The following VPS8 variants were observed in gnomAD, a reference collection of about 807,000 sequenced individuals.
The protein encoded by VPS8 is VPS8 subunit of CORVET complex.
A neutral mutation model predicts 216.4 loss-of-function variants in VPS8; 129 were observed. That is an observed-to-expected ratio of 0.60 (90% CI 0.52 to 0.69). The LOEUF (loss-of-function observed/expected upper bound fraction) is 0.69, where lower values mean the gene tolerates loss of function less well. VPS8 is among the 30% of genes least tolerant of loss of function. VPS8 has a pLI of 0.00. For missense variants in VPS8, 1,531 were observed against 1,683.5 expected, an observed-to-expected ratio of 0.91 and a Z score of 1.59; for synonymous variants, 571 against 565.4, an observed-to-expected ratio of 1.01 and a Z score of -0.14.
intron 46 of VPS8, among the ~76,000 whole-genome samples, chr3:185,038,992 C>G (rs1465534190): frequency 3.3e-5 from 5 of 152,160 alleles, no homozygotes; most frequent in African/African-American, 1.2e-4. Flanking sequence ...GGACTTAGCC[C>G]CAGCAACATG....
intron 2 of VPS8, among the ~76,000 whole-genome samples, chr3:184,825,337 C>T (rs1414112392): frequency 1.3e-5 from 2 of 152,176 alleles, no homozygotes; most frequent in African/African-American, 4.8e-5. Flanking sequence ...CTCAAAGTCA[C>T]AGAGCCAGTG....
At chr3:184,977,871 T>C (rs1749548980) in intron 40 of VPS8, among the ~76,000 whole-genome samples, 2 of 121,690 alleles carry the variant, frequency 1.6e-5, no homozygotes, top group African/African-American at 5.6e-5. Context: ...ATTAGCCTGA[T>C]GTTTTCTTTT....
intron 36 of VPS8, among the ~76,000 whole-genome samples, chr3:184,944,038 G>T (rs1743215874): frequency 9.4e-6 from 1 of 106,894 alleles, no homozygotes; most frequent in Non-Finnish European, 2.0e-5. Context: ...GGAGGCAGAG[G>T]TTGCACACAC....
At chr3:184,949,375 C>A (rs778361721) in intron 36 of VPS8, among the ~76,000 whole-genome samples, 1 of 152,104 alleles carries the variant, frequency 6.6e-6, no homozygotes, top group Non-Finnish European at 1.5e-5. Context: ...GTGACCAAAT[C>A]CCCTACAGCC....
At chr3:184,926,863 A>G (rs1261795108) in intron 31 of VPS8, among the ~76,000 whole-genome samples, 1 of 152,180 alleles carries the variant, frequency 6.6e-6, no homozygotes, top group Non-Finnish European at 1.5e-5. Context: ...TCCTAGGTAG[A>G]CTGGATCTGT....
chr3:185,016,038 C>T (rs1460623053), intron 45 of VPS8, among the ~76,000 whole-genome samples: 1 of 152,200 alleles, frequency 6.6e-6, no homozygotes, highest in African/African-American at 2.4e-5. Flanking sequence ...AGCTCTGCCT[C>T]AGCGTCTTTT....
chr3:184,943,853 G>A (rs571729204), intron 36 of VPS8, among the ~76,000 whole-genome samples: 29 of 152,326 alleles, frequency 1.9e-4, no homozygotes, highest in Admixed American at 1.8e-3. Flanking sequence ...TGTAATCCCA[G>A]TACTTTGGGA....
At chr3:184,993,647 T>A (rs1297977265) in intron 42 of VPS8, among the ~76,000 whole-genome samples, 1 of 152,148 alleles carries the variant, frequency 6.6e-6, no homozygotes, top group East Asian at 1.9e-4. Flanking sequence ...GTACACTGGT[T>A]TTAATGTAAC....
chr3:184,973,744 C>T (rs1290108447), intron 40 of VPS8, among the ~76,000 whole-genome samples: 3 of 152,094 alleles, frequency 2.0e-5, no homozygotes, highest in East Asian at 3.9e-4. Context: ...TACTCTATTC[C>T]TCCATGAGGT....
chr3:184,847,288 T>C (rs910695342), intron 8 of VPS8, among the ~76,000 whole-genome samples: 1 of 151,856 alleles, frequency 6.6e-6, no homozygotes, highest in African/African-American at 2.4e-5. Flanking sequence ...AAAAGGACTC[T>C]TACAGTATTC....
In VPS8 at chr3:184,915,463, G is replaced by A. The variant is rs754330803; in HGVS notation, c.2371G>A (p.Val791Ile). Residue 791 changes from valine (V) to isoleucine (I), a missense_variant, in exon 28 of 48, where the codon GTA (valine) becomes ATA (isoleucine). Physicochemically the swap from Val to Ile is conservative, Grantham distance 29 (BLOSUM62 3). This residue lies in a region of VPS8 where 1,318 missense variants were observed against 1,468.4 expected (regional missense o/e 0.90). Transcript: ENST00000625842. ...LHFDTREFLN[V>I]LALTFEDFKN... is the part of the protein sequence containing the mutation. ...TTTTGACACAAGAGAATTTCTAAAT[G>A]TATTGGCACTGGTAAGAGACAGTAT... 1.2e-6 allele frequency: 2 copies of A among 1,613,432 alleles called. No homozygotes were observed. Among genetic ancestry groups the A allele is most frequent in the South Asian group, 1.1e-5 (1 of 91,066 alleles).
At chr3:185,010,026 A>G (rs1266726860) in intron 45 of VPS8, among the ~76,000 whole-genome samples, 2 of 150,720 alleles carry the variant, frequency 1.3e-5, no homozygotes, top group Non-Finnish European at 3.0e-5. Flanking sequence ...CAAAAGGATT[A>G]GATTGAACAA....
intron 40 of VPS8, among the ~76,000 whole-genome samples, chr3:184,976,871 G>A (rs191224347): frequency 3.4e-4 from 51 of 152,172 alleles, no homozygotes; most frequent in Admixed American, 1.5e-3. Flanking sequence ...CTGTTGATGG[G>A]CACTTTCTTG....
chr3:184,843,051 A>G (rs754029679), intron 7 of VPS8, among the ~76,000 whole-genome samples, 189 bp from the exon 8 acceptor site: 3 of 152,036 alleles, frequency 2.0e-5, no homozygotes, highest in Admixed American at 6.5e-5. Context: ...ATTTTTTCCC[A>G]TAACCCATAG....
intron 15 of VPS8, among the ~76,000 whole-genome samples, chr3:184,861,012 C>T (rs1726272499): frequency 6.6e-6 from 1 of 151,992 alleles, no homozygotes. Context: ...TTAGTACAGA[C>T]AGGATTTCAC....
chr3:185,038,731 T>C (rs1169703635), intron 46 of VPS8, among the ~76,000 whole-genome samples: 2 of 152,190 alleles, frequency 1.3e-5, no homozygotes, highest in African/African-American at 2.4e-5. Flanking sequence ...ATAGGGACAA[T>C]GGCAGGCTTT....
At position 184,997,491 on chromosome 3, in the gene VPS8, G is replaced by T. The variant is rs373116842; in HGVS notation, c.3836+990G>T. ...TTGGTAGACTTGATGGTTGGAAGGGGAAGTAGTTCTCTTCACACAAAGAGC... is the reference window on the plus strand; with the variant it reads ...TTGGTAGACTTGATGGTTGGAAGGGTAAGTAGTTCTCTTCACACAAAGAGC... On this transcript the variant is annotated intron_variant, in intron 44 of 47. Coordinates refer to ENST00000625842, the MANE Select transcript of VPS8 (RefSeq NM_001009921.3). Among the ~76,000 whole-genome samples the T allele has an allele frequency of 3.8e-3, 575 of 152,326 alleles. 3 individuals carry two copies. The highest frequency in any genetic ancestry group is 0.013 in the African/African-American group (552 of 41,570).
chr3:184,839,724 T>A lies in VPS8; in HGVS notation c.507T>A (p.Gly169=). The change falls in exon 7 of 48, where the codon GGT becomes GGA. Residue 169 remains glycine (G), a synonymous_variant. Transcript: ENST00000625842. ...AIAVSSLIAV[G]TSHGLALIFG... ...CAGTATCCAGTCTGATAGCAGTGGG[T>A]ACATCTCATGGATTGGCTTTAATAT... 1 of 1,606,644 alleles carries A rather than the reference T, an allele frequency of 6.2e-7. No homozygotes were observed. The highest frequency in any genetic ancestry group is 8.5e-7 in the Non-Finnish European group (1 of 1,176,030).
chr3:184,855,751 T>G lies in VPS8; in HGVS notation c.1076T>G (p.Val359Gly). Reference sequence around the variant, plus strand: ...GTGCCACTGCTGGCCTGGCACTTTGTAGCAGTACAAAATTACGTGAATCCC... The same window carrying G: ...GTGCCACTGCTGGCCTGGCACTTTGGAGCAGTACAAAATTACGTGAATCCC... ...SSVPLLAWHFVAVQNYVNPML... is the reference protein window; with the variant it reads ...SSVPLLAWHFGAVQNYVNPML... Residue 359 changes from valine to glycine, a missense_variant, in exon 14 of 48, where the codon GTA becomes GGA. Around this residue, in one of 3 missense-constraint regions of VPS8, gnomAD observed 1,318 missense variants for 1,468.4 expected, o/e 0.90. Coordinates refer to ENST00000625842, the MANE Select transcript of VPS8 (RefSeq NM_001009921.3). The G allele has an allele frequency of 6.2e-7, 1 of 1,613,824 alleles. No homozygotes were observed. The highest frequency in any genetic ancestry group is 2.2e-5 in the East Asian group (1 of 44,858).
Sources: allele counts gnomAD v4.1 joint callset (sites outside exome capture counted in the v4.1 genomes callset), GRCh38; gene constraint gnomAD v4.1.1; regional missense constraint gnomAD v4.1.1; transcripts MANE v1.5; gene names NCBI Gene and HGNC (gene_info 2026-07-23, HGNC 2026-07-21).